The following PPCDC variants were observed in gnomAD, a reference collection of about 807,000 sequenced individuals.
PPCDC encodes the protein phosphopantothenoylcysteine decarboxylase.
A neutral mutation model predicts 20.7 loss-of-function variants in PPCDC; 20 were observed. The ratio of observed to expected loss-of-function variants is 0.97; its 90% CI spans 0.68 to 1.41. The LOEUF (loss-of-function observed/expected upper bound fraction) is 1.41. Among genes scored for constraint, PPCDC ranks in the 40% most tolerant of loss-of-function variants. The pLI, the probability that PPCDC is intolerant of heterozygous loss-of-function variation, is 0.00. For synonymous variants in PPCDC, 88 were observed against 100.3 expected, an observed-to-expected ratio of 0.88 and a Z score of 0.73; for missense variants, 246 against 263.8, an observed-to-expected ratio of 0.93 and a Z score of 0.47.
rs146759445 is a variant in PPCDC, at chr15:75,048,586, C to T, written c.394C>T (p.Pro132Ser). ...CVMRAWDRSK[P>S]LLFCPAMNTA... ...CATGCGGGCCTGGGACCGCAGCAAG[C>T]CCCTGCTCTTCTGCCCGGCCATGAA... Residue 132 changes from proline to serine, a missense_variant, in exon 5 of 6, where the codon CCC becomes TCC. This residue lies in a region of PPCDC where 225 missense variants were observed against 222.6 expected (regional missense o/e 1.01). Transcript: ENST00000342932. 9.3e-6 allele frequency: 15 copies of T among 1,614,072 alleles called. No individual in the cohort carries two copies. The highest frequency in any genetic ancestry group is 1.3e-5 in the Non-Finnish European group (15 of 1,180,000).
intron 2 of PPCDC, among the ~76,000 whole-genome samples, chr15:75,030,607 T>C (rs1371372630): frequency 6.6e-6 from 1 of 152,142 alleles, no homozygotes; most frequent in East Asian, 1.9e-4. Context: ...CACACTCCCC[T>C]TCACTCCCTG....
At chr15:75,029,948 T>A (rs1032065747) in intron 2 of PPCDC, among the ~76,000 whole-genome samples, 7 of 152,150 alleles carry the variant, frequency 4.6e-5, no homozygotes, top group African/African-American at 1.7e-4. Context: ...CTTCCTCCCA[T>A]CCCACGCAGC....
chr15:75,027,310 G>A lies in PPCDC; in HGVS notation c.-72-937G>A, dbSNP rs537753941. ...TCAGTGATGGTTGCTGATGAAGCAC[G>A]TTCTGCTGGCCCAACCCGCCACGTG... is the stretch of plus-strand genomic sequence containing the variant. On this transcript the variant is annotated intron_variant, in intron 1 of 5. Transcript: ENST00000342932. Among the ~76,000 whole-genome samples, 6 of 152,214 alleles carry A rather than the reference G, an allele frequency of 3.9e-5. No individual in the cohort carries two copies. The East Asian group carries it at 9.7e-4, about 25-fold the overall frequency.
At position 75,044,303 on chromosome 15, in the gene PPCDC, G is replaced by GTC; in HGVS notation, c.232-80_232-79dup. 1.9e-6 allele frequency: 3 copies of GTC among 1,569,722 alleles called. No homozygotes were observed. In the Admixed American group the frequency reaches 5.0e-5, roughly 26 times the overall value. ...GCAGGGCAGGTCAGTGGGTTCCTCA[G>GTC]TCTCCTGACTTACCGTACCTGGCCT... On this transcript the variant is annotated intron_variant, in intron 3 of 5. Transcript: ENST00000342932.
chr15:75,031,284 T>C (rs2066017946), intron 2 of PPCDC, among the ~76,000 whole-genome samples: 2 of 152,138 alleles, frequency 1.3e-5, no homozygotes, highest in South Asian at 4.1e-4. Context: ...GTAGTTGTCA[T>C]GTAATTGAGT....
chr15:75,025,580 G>A (rs955048542), intron 1 of PPCDC, among the ~76,000 whole-genome samples: 2 of 152,096 alleles, frequency 1.3e-5, no homozygotes, highest in African/African-American at 4.8e-5. Flanking sequence ...CATTTTTCTG[G>A]CTGTGGCTTA....
intron 2 of PPCDC, among the ~76,000 whole-genome samples, chr15:75,034,257 C>T (rs1328076716): frequency 1.3e-5 from 2 of 152,164 alleles, no homozygotes; most frequent in Non-Finnish European, 2.9e-5. Context: ...AGACCTGGAG[C>T]TCATTCTCTG....
At chr15:75,040,855 G>T (rs2066144791) in intron 2 of PPCDC, among the ~76,000 whole-genome samples, 1 of 151,966 alleles carries the variant, frequency 6.6e-6, no homozygotes, top group Non-Finnish European at 1.5e-5. Flanking sequence ...TAGAGATGGG[G>T]GTCTCACCAT....
chr15:75,029,221 C>T (rs1157007964), intron 2 of PPCDC, among the ~76,000 whole-genome samples: 6 of 152,314 alleles, frequency 3.9e-5, no homozygotes, highest in African/African-American at 1.4e-4. Flanking sequence ...GCTCCTCTCT[C>T]GCCTTTTCAC....
At chr15:75,040,970 G>A (rs750226736) in intron 2 of PPCDC, among the ~76,000 whole-genome samples, 5 of 152,092 alleles carry the variant, frequency 3.3e-5, no homozygotes, top group Non-Finnish European at 5.9e-5. Context: ...TACTGCTCCC[G>A]GCCAAATGCT....
chr15:75,027,019 T>A (rs1348080605), intron 1 of PPCDC, among the ~76,000 whole-genome samples: 1 of 152,144 alleles, frequency 6.6e-6, no homozygotes, highest in Admixed American at 6.5e-5. Flanking sequence ...TCAGCACCTG[T>A]TCAGGACTGC....
intron 4 of PPCDC, 172 bp downstream of exon 4, chr15:75,044,686 C>T: frequency 1.2e-6 from 1 of 867,152 alleles, no homozygotes; most frequent in South Asian, 1.8e-5. Context: ...CTCTGTAGCA[C>T]ATGGGCACAG....
intron 2 of PPCDC, among the ~76,000 whole-genome samples, chr15:75,040,269 G>A (rs991120433): frequency 6.6e-6 from 1 of 151,794 alleles, no homozygotes; most frequent in African/African-American, 2.4e-5. Context: ...TTAGAGATGT[G>A]GTTTCACCAC....
chr15:75,027,313 C>G (rs1376193800), intron 1 of PPCDC, among the ~76,000 whole-genome samples: 1 of 152,168 alleles, frequency 6.6e-6, no homozygotes, highest in Non-Finnish European at 1.5e-5. Context: ...GAAGCACGTT[C>G]TGCTGGCCCA....
chr15:75,031,458 G>A (rs536610574), intron 2 of PPCDC, among the ~76,000 whole-genome samples: 107 of 152,200 alleles, frequency 7.0e-4, no homozygotes, highest in East Asian at 1.9e-4. Context: ...CGGGCGCGGT[G>A]GCTCACTTTG....
Position 75,049,265 on chromosome 15 carries a change from G to C in PPCDC, c.*30G>C, listed in dbSNP as rs1474864835. The C allele has an allele frequency of 3.7e-6, 6 of 1,602,586 alleles. No individual in the cohort carries two copies. Among genetic ancestry groups the C allele is most frequent in the Non-Finnish European group, 5.1e-6 (6 of 1,169,744 alleles). ...GGATTTCTGTCATGGGTGTCCCTCT[G>C]TACTCAGAATGGGTTCAGGCCAAGT... is the stretch of plus-strand genomic sequence containing the variant. On this transcript the variant is annotated 3_prime_UTR_variant, in exon 6 of 6. Coordinates refer to ENST00000342932, the MANE Select transcript of PPCDC (RefSeq NM_021823.5).
At position 75,037,734 on chromosome 15, in the gene PPCDC, C is replaced by CTGT. The variant is rs201744803; in HGVS notation, c.136-5687_136-5685dup. On this transcript the variant is annotated intron_variant, in intron 2 of 5. Transcript: ENST00000342932. The stretch of plus-strand genomic sequence containing the variant: ...CCAGCCTAGATGACAAAGTGAGACT[C>CTGT]TGTTGTTGTTGTTGTTGTTGTTTTT... Among the ~76,000 whole-genome samples, 1,151 of 152,096 alleles carry CTGT rather than the reference C, an allele frequency of 7.6e-3. 24 individuals are homozygous for CTGT. The highest frequency in any genetic ancestry group is 0.075 in the East Asian group (389 of 5,160).
intron 2 of PPCDC, among the ~76,000 whole-genome samples, chr15:75,034,670 A>G (rs1420530507): frequency 6.6e-6 from 1 of 152,224 alleles, no homozygotes; most frequent in East Asian, 1.9e-4. Context: ...GGAGCATGCC[A>G]TCGTCAACAC....
intron 1 of PPCDC, among the ~76,000 whole-genome samples, chr15:75,026,258 T>C (rs947357076): frequency 2.0e-5 from 3 of 152,168 alleles, no homozygotes; most frequent in Admixed American, 2.0e-4. Context: ...CAGGTAGGTT[T>C]CCCTGGAGAA....
Sources: gnomAD v4.1 joint callset for allele counts (sites outside exome capture counted in the v4.1 genomes callset) on GRCh38, gnomAD v4.1.1 for gene constraint, gnomAD v4.1.1 regional missense constraint, MANE v1.5 for transcripts, NCBI Gene and HGNC (gene_info 2026-07-23, HGNC 2026-07-21) for gene names.